Variants in ZDHHC2 observed in about 807,000 individuals in gnomAD.
ZDHHC2 encodes the protein zDHHC palmitoyltransferase 2, also known as palmitoyltransferase ZDHHC2.
Under a neutral mutation model 55.6 loss-of-function variants are expected in ZDHHC2, and 51 were observed. That is an observed-to-expected ratio of 0.92 (90% CI 0.73 to 1.16). The LOEUF is 1.16. Ranked by LOEUF, ZDHHC2 falls within the 50% of genes most tolerant of loss-of-function variation. The pLI, the probability that ZDHHC2 is intolerant of heterozygous loss-of-function variation, is 0.00. For missense variants in ZDHHC2, 491 were observed against 442.4 expected (o/e 1.11, Z -0.99); for synonymous variants, 199 against 152.9 (o/e 1.30, Z -2.22).
intron 1 of ZDHHC2, among the ~76,000 whole-genome samples, chr8:17,171,487 C>T (rs1563142580): frequency 1.3e-5 from 2 of 152,056 alleles, no homozygotes; most frequent in African/African-American, 2.4e-5. Context: ...TTTTCATGGC[C>T]ATCATTATGA....
chr8:17,177,784 G>C (rs987477964), intron 1 of ZDHHC2, among the ~76,000 whole-genome samples: 33 of 152,004 alleles, frequency 2.2e-4, no homozygotes, highest in Non-Finnish European at 5.9e-5. Context: ...GTTTGTGTGT[G>C]TGGGGGTGGG....
chr8:17,159,106 A>G lies in ZDHHC2; in HGVS notation c.130+2253A>G, dbSNP rs75247029. 8.1e-4 allele frequency among the ~76,000 whole-genome samples: 124 copies of G among 152,300 alleles called. 2 individuals are homozygous for G. Among genetic ancestry groups the G allele is most frequent in the Middle Eastern group, 3.4e-3 (1 of 294 alleles). On this transcript the variant is annotated intron_variant, in intron 1 of 12. Coordinates refer to ENST00000262096, the MANE Select transcript of ZDHHC2 (RefSeq NM_016353.5). Reference sequence around the variant, plus strand: ...TCGAGTGGGAAGTTGAAATTTCCTTATAGGCACTGGGAAAGATGGCGACTA... The same window carrying G: ...TCGAGTGGGAAGTTGAAATTTCCTTGTAGGCACTGGGAAAGATGGCGACTA...
chr8:17,190,026 G>T (rs1041061954), intron 3 of ZDHHC2, among the ~76,000 whole-genome samples: 5 of 152,088 alleles, frequency 3.3e-5, no homozygotes, highest in African/African-American at 1.2e-4. Context: ...CAAGCACAAT[G>T]GGTGGGAGTG....
intron 1 of ZDHHC2, among the ~76,000 whole-genome samples, chr8:17,158,796 G>A (rs1288815920): frequency 2.0e-5 from 3 of 151,720 alleles, no homozygotes; most frequent in Non-Finnish European, 4.4e-5. Context: ...CCTGCCTGGC[G>A]CAATGCCTGT....
At chr8:17,183,089 A>G (rs1262281754) in intron 1 of ZDHHC2, among the ~76,000 whole-genome samples, 1 of 152,124 alleles carries the variant, frequency 6.6e-6, no homozygotes, top group Non-Finnish European at 1.5e-5. Flanking sequence ...CAAAAATGTC[A>G]CTTTGTCTTA....
At chr8:17,180,014 C>A (rs1487182289) in intron 1 of ZDHHC2, among the ~76,000 whole-genome samples, 1 of 152,102 alleles carries the variant, frequency 6.6e-6, no homozygotes, top group African/African-American at 2.4e-5. Context: ...TCACAGTGTT[C>A]CTATTGTGTG....
intron 8 of ZDHHC2, 144 bp from the exon 9 acceptor site, chr8:17,209,788 G>A: frequency 1.2e-6 from 1 of 838,048 alleles, no homozygotes; most frequent in Non-Finnish European, 1.7e-6. Flanking sequence ...ATATTTCAGG[G>A]CTGTTGACAG....
chr8:17,210,506 A>G, intron 10 of ZDHHC2, 26 bp downstream of exon 10: 1 of 1,549,096 alleles, frequency 6.5e-7, no homozygotes, highest in Non-Finnish European at 8.8e-7. Flanking sequence ...TTTTCATTTT[A>G]CTTTCAAATA....
chr8:17,211,960 T>A (rs1807406854), intron 10 of ZDHHC2, among the ~76,000 whole-genome samples: 1 of 152,194 alleles, frequency 6.6e-6, no homozygotes, highest in Admixed American at 6.5e-5. Context: ...TTTTTTGCCC[T>A]TTGTGTTTTT....
rs1804053834 is a variant in ZDHHC2 at position 17,156,562 on chromosome 8, G to C, written c.-162G>C. 1 of 376,050 alleles carries C rather than the reference G, an allele frequency of 2.7e-6. No homozygotes were observed. Among genetic ancestry groups the C allele is most frequent in the Non-Finnish European group, 3.7e-6 (1 of 271,094 alleles). The allele number at this position is 376,050 out of a possible 1,614,324, so 23.3% of individuals were successfully genotyped here. A position where few individuals can be genotyped will look rare whatever the true frequency, so the allele number is the denominator to read the frequency against. ...CGGGAGTCCGCCGCGCCGGCTCGGGGCTGCGGGATGGGGAGTTAGCGCCAC... is the reference window on the plus strand; with the variant it reads ...CGGGAGTCCGCCGCGCCGGCTCGGGCCTGCGGGATGGGGAGTTAGCGCCAC... On this transcript the variant is annotated 5_prime_UTR_variant, in exon 1 of 13. Coordinates refer to ENST00000262096, the MANE Select transcript of ZDHHC2 (RefSeq NM_016353.5).
At chr8:17,212,425 C>T (rs1455553485) in intron 10 of ZDHHC2, among the ~76,000 whole-genome samples, 1 of 152,202 alleles carries the variant, frequency 6.6e-6, no homozygotes, top group African/African-American at 2.4e-5. Flanking sequence ...GACCTCCATT[C>T]TCCCACGTGT....
At chr8:17,217,455 A>C (rs996036982) in intron 12 of ZDHHC2, among the ~76,000 whole-genome samples, 11 of 152,172 alleles carry the variant, frequency 7.2e-5, no homozygotes, top group Non-Finnish European at 1.5e-4. Flanking sequence ...AACTTGATTA[A>C]TTATATAAAT....
intron 4 of ZDHHC2, among the ~76,000 whole-genome samples, chr8:17,196,265 G>T (rs1200750899): frequency 6.6e-6 from 1 of 152,020 alleles, no homozygotes. Context: ...GACCTGTGCT[G>T]TCCATTATGG....
chr8:17,170,417 T>C (rs1292131839), intron 1 of ZDHHC2, among the ~76,000 whole-genome samples: 2 of 152,230 alleles, frequency 1.3e-5, no homozygotes, highest in East Asian at 3.9e-4. Flanking sequence ...TAAACACAAA[T>C]GTAGGAATTA....
intron 7 of ZDHHC2, among the ~76,000 whole-genome samples, chr8:17,206,990 A>T (rs568103408): frequency 2.0e-5 from 3 of 152,336 alleles, no homozygotes; most frequent in Non-Finnish European, 4.4e-5. Context: ...GTCCAGCTTG[A>T]AAAATGAACC....
intron 1 of ZDHHC2, among the ~76,000 whole-genome samples, chr8:17,170,210 T>G (rs1804790025): frequency 1.3e-5 from 2 of 152,192 alleles, no homozygotes; most frequent in East Asian, 3.9e-4. Context: ...ACAGTGAAGT[T>G]ACAGAAGAAA....
chr8:17,159,400 T>G (rs1452964902), intron 1 of ZDHHC2, among the ~76,000 whole-genome samples: 1 of 152,150 alleles, frequency 6.6e-6, no homozygotes, highest in Non-Finnish European at 1.5e-5. Context: ...AGAAACAAGG[T>G]GATTTACCCT....
intron 4 of ZDHHC2, 97 bp downstream of exon 4, chr8:17,195,721 C>T (rs759063611): frequency 1.2e-5 from 18 of 1,467,210 alleles, no homozygotes; most frequent in Non-Finnish European, 1.6e-5. Flanking sequence ...TGGTAAAACA[C>T]TCATTTCAGA....
intron 3 of ZDHHC2, among the ~76,000 whole-genome samples, chr8:17,190,278 G>T (rs1805951477): frequency 1.3e-5 from 2 of 151,644 alleles, no homozygotes; most frequent in African/African-American, 4.8e-5. Context: ...GAAAAGAAAA[G>T]AATATATACC....
Sources: allele counts gnomAD v4.1 joint callset (sites outside exome capture counted in the v4.1 genomes callset), GRCh38; gene constraint gnomAD v4.1.1; transcripts MANE v1.5; gene names NCBI Gene and HGNC (gene_info 2026-07-23, HGNC 2026-07-21).